Variants in RHBDD1 observed in about 807,000 individuals in gnomAD.
The protein encoded by RHBDD1 is rhomboid domain containing 1.
A neutral mutation model predicts 36.3 loss-of-function variants in RHBDD1; 38 were observed. The ratio of observed to expected loss-of-function variants is 1.05; its 90% CI spans 0.81 to 1.37. RHBDD1 has a LOEUF of 1.37. Among genes scored for constraint, RHBDD1 ranks in the 40% most tolerant of loss-of-function variants. The pLI is 0.00. For missense variants in RHBDD1, 393 were observed against 377.6 expected, an observed-to-expected ratio of 1.04 and a Z score of -0.34; for synonymous variants, 151 against 136.5, an observed-to-expected ratio of 1.11 and a Z score of -0.74.
intron 8 of RHBDD1, among the ~76,000 whole-genome samples, chr2:226,980,755 C>T (rs1955536382): frequency 6.6e-6 from 1 of 152,152 alleles, no homozygotes; most frequent in Admixed American, 6.5e-5. Context: ...TCTAAATCTT[C>T]AGTTACCCAA....
intron 5 of RHBDD1, among the ~76,000 whole-genome samples, chr2:226,884,832 A>G (rs1018220235): frequency 1.3e-5 from 2 of 152,286 alleles, no homozygotes; most frequent in South Asian, 4.1e-4. Flanking sequence ...AAAATAACTA[A>G]CAATGTGTGA....
chr2:226,817,252 A>G, the RHBDD1 span, among the ~76,000 whole-genome samples: 1 of 152,230 alleles, frequency 6.6e-6, no homozygotes. Flanking sequence ...GTGTCATCAA[A>G]TAACTTTTCT....
At chr2:226,854,460 G>C (rs1275102115) in intron 3 of RHBDD1, among the ~76,000 whole-genome samples, 2 of 152,028 alleles carry the variant, frequency 1.3e-5, no homozygotes, top group African/African-American at 4.8e-5. Context: ...TGGGTATGCT[G>C]GCGCGCGCCT....
intron 8 of RHBDD1, among the ~76,000 whole-genome samples, chr2:226,979,635 A>C (rs1008181847): frequency 4.6e-5 from 7 of 152,162 alleles, no homozygotes; most frequent in African/African-American, 7.2e-5. Flanking sequence ...CAGGCTGGGT[A>C]CCCTTCTACC....
At chr2:226,803,382 G>C in the RHBDD1 span, among the ~76,000 whole-genome samples, 1 of 152,004 alleles carries the variant, frequency 6.6e-6, no homozygotes, top group Non-Finnish European at 1.5e-5. Flanking sequence ...TTACTTTCAT[G>C]ATGGATGAAA....
chr2:226,991,433 G>T (rs1211188141), intron 8 of RHBDD1, among the ~76,000 whole-genome samples: 1 of 152,182 alleles, frequency 6.6e-6, no homozygotes, highest in Non-Finnish European at 1.5e-5. Flanking sequence ...GCCCGCCTCA[G>T]CCTCCCAAAG....
chr2:226,820,566 G>T, the RHBDD1 span, among the ~76,000 whole-genome samples: 8 of 148,728 alleles, frequency 5.4e-5, no homozygotes, highest in African/African-American at 2.0e-4. Flanking sequence ...CCAAAACTTT[G>T]GGAGGCTATG....
Position 226,945,332 on chromosome 2 carries a change from C to T in RHBDD1, c.856+30981C>T, listed in dbSNP as rs1171141596. 3.3e-5 allele frequency among the ~76,000 whole-genome samples: 5 copies of T among 151,912 alleles called. No homozygotes were observed. In the South Asian group the frequency reaches 6.3e-4, roughly 19 times the overall value. ...CTAGCCTCCCACGCCCTGACAGGCC[C>T]GGGTGTGTGATGTTCCCCTCCTTAT... is the stretch of plus-strand genomic sequence containing the variant. On this transcript the variant is annotated intron_variant, in intron 8 of 8. Transcript: ENST00000392062.
chr2:226,994,199 T>C (rs1300965602), intron 8 of RHBDD1, among the ~76,000 whole-genome samples: 2 of 152,216 alleles, frequency 1.3e-5, no homozygotes, highest in Non-Finnish European at 2.9e-5. Context: ...GCAGGTGCTG[T>C]TGAGTCAAGT....
At chr2:226,960,486 AT>A (rs1266278171) in intron 8 of RHBDD1, among the ~76,000 whole-genome samples, 1 of 152,188 alleles carries the variant, frequency 6.6e-6, no homozygotes, top group Admixed American at 6.5e-5. Context: ...GTTACTTTAT[AT>A]TTAACTGGGC....
intron 8 of RHBDD1, among the ~76,000 whole-genome samples, chr2:226,960,291 T>G (rs1395896832): frequency 6.6e-6 from 1 of 152,238 alleles, no homozygotes; most frequent in African/African-American, 2.4e-5. Context: ...GCCATCTCAT[T>G]GTGATTTTCA....
Position 226,995,633 on chromosome 2 carries a change from G to T in RHBDD1, c.*111G>T. The T allele has an allele frequency of 2.3e-5, 18 of 770,306 alleles. No individual in the cohort carries two copies. The South Asian group carries it at 2.9e-4, about 12-fold the overall frequency. The allele number at this position is 770,306 out of a possible 1,614,324, so 47.7% of individuals were successfully genotyped here. A position where few individuals can be genotyped will look rare whatever the true frequency, so the allele number is the denominator to read the frequency against. ...TTTTAAACAAAAGCAGAGTACACCGGTATTGCTCCAGATCGCTCACATCAC... is the reference window on the plus strand; with the variant it reads ...TTTTAAACAAAAGCAGAGTACACCGTTATTGCTCCAGATCGCTCACATCAC... On this transcript the variant is annotated 3_prime_UTR_variant, in exon 9 of 9. Transcript: ENST00000392062.
intron 6 of RHBDD1, chr2:226,907,109 A>AT: frequency 1.7e-6 from 1 of 593,478 alleles, no homozygotes; most frequent in Non-Finnish European, 3.0e-6. Context: ...TAGGGGACAA[A>AT]TATCAGTATA....
At chr2:226,923,378 C>T (rs1037106912) in intron 8 of RHBDD1, among the ~76,000 whole-genome samples, 13 of 152,188 alleles carry the variant, frequency 8.5e-5, no homozygotes, top group East Asian at 3.9e-4. Flanking sequence ...CACTGAAGTC[C>T]GCTGTCAGAA....
At chr2:226,902,721 AT>A (rs952782094) in intron 5 of RHBDD1, among the ~76,000 whole-genome samples, 26 of 152,296 alleles carry the variant, frequency 1.7e-4, no homozygotes, top group African/African-American at 6.0e-4. Context: ...GACCAGTTAA[AT>A]TTTTGAGATG....
At chr2:226,930,520 C>G (rs1313076249) in intron 8 of RHBDD1, among the ~76,000 whole-genome samples, 1 of 151,936 alleles carries the variant, frequency 6.6e-6, no homozygotes, top group Admixed American at 6.6e-5. Context: ...AATCTTAAGA[C>G]CTGAAACCAT....
At chr2:226,987,700 G>A (rs542471755) in intron 8 of RHBDD1, among the ~76,000 whole-genome samples, 4 of 152,334 alleles carry the variant, frequency 2.6e-5, no homozygotes, top group South Asian at 4.1e-4. Context: ...GTGCCAGATC[G>A]TGGTGGACCC....
chr2:226,938,881 C>G (rs1310732699), intron 8 of RHBDD1, among the ~76,000 whole-genome samples: 1 of 152,078 alleles, frequency 6.6e-6, no homozygotes, highest in Admixed American at 6.6e-5. Context: ...AAATCCTCAA[C>G]AAAATACTGG....
intron 5 of RHBDD1, among the ~76,000 whole-genome samples, chr2:226,885,465 G>C (rs1574953628): frequency 6.6e-6 from 1 of 152,058 alleles, no homozygotes; most frequent in Non-Finnish European, 1.5e-5. Context: ...CATCATGATA[G>C]AATATTGTAC....
Sources: gnomAD v4.1 joint callset for allele counts (sites outside exome capture counted in the v4.1 genomes callset) on GRCh38, gnomAD v4.1.1 for gene constraint, MANE v1.5 for transcripts, NCBI Gene and HGNC (gene_info 2026-07-23, HGNC 2026-07-21) for gene names.